RNF170: variants seen among roughly 807,000 people sequenced by gnomAD.
RNF170 encodes E3 ubiquitin-protein ligase RNF170.
In RNF170, 12 loss-of-function variants were observed where a neutral mutation model predicts 32.7. The observed-to-expected ratio is 0.37, with a 90% CI of 0.24 to 0.60. The LOEUF (loss-of-function observed/expected upper bound fraction) is 0.60. Among genes scored for constraint, RNF170 ranks in the 20% least tolerant of loss-of-function variants. RNF170 has a pLI of 0.72. For missense variants in RNF170, 212 were observed against 311.2 expected (o/e 0.68, Z 2.40); for synonymous variants, 91 against 103.6 (o/e 0.88, Z 0.74).
intron 5 of RNF170, among the ~76,000 whole-genome samples, chr8:42,862,865 T>TG: frequency 6.6e-6 from 1 of 152,250 alleles, no homozygotes; most frequent in East Asian, 1.9e-4. Flanking sequence ...TGCTCCAGGG[T>TG]GACTACAACA....
intron 4 of RNF170, among the ~76,000 whole-genome samples, chr8:42,867,467 G>A (rs1438599002): frequency 1.1e-3 from 75 of 70,104 alleles, no homozygotes; most frequent in Middle Eastern, 9.3e-3. Flanking sequence ...GCAAAACTCC[G>A]TCTCAAAAAA....
rs760189334 is a variant in RNF170, at chr8:42,873,920, A to G, written c.213+11T>C. 40 of 1,459,968 alleles carry G rather than the reference A, an allele frequency of 2.7e-5. No homozygotes were observed. The highest frequency in any genetic ancestry group is 3.7e-5 in the Non-Finnish European group (38 of 1,039,664). 90.4% of individuals were successfully genotyped at this position (1,459,968 alleles called of 1,614,324 possible). ...TCACATCTACTCCTCAAATAAATAC[A>G]TATACAATACCTGTTCTGTTTGAAG... On this transcript the variant is annotated intron_variant, in intron 3 of 6. Transcript: ENST00000527424.
At chr8:42,851,349 A>C (rs1045580139), downstream of RNF170, among the ~76,000 whole-genome samples, 2 of 152,038 alleles carry the variant, frequency 1.3e-5, no homozygotes, top group African/African-American at 4.8e-5. Flanking sequence ...ATTACCTGAG[A>C]TCAGGAGTTC....
At chr8:42,862,778 C>T (rs1450421571) in intron 5 of RNF170, among the ~76,000 whole-genome samples, 1 of 152,174 alleles carries the variant, frequency 6.6e-6, no homozygotes, top group Non-Finnish European at 1.5e-5. Context: ...TCTTTCAATA[C>T]ACATTAATGG....
chr8:42,850,967 C>T (rs1018443882), downstream of RNF170: 2 of 1,551,650 alleles, frequency 1.3e-6, no homozygotes, highest in Non-Finnish European at 1.7e-6. Context: ...TGGGTCTGCT[C>T]ACTTGCACGG....
upstream of RNF170, chr8:42,896,972 C>T: frequency 4.5e-6 from 2 of 440,342 alleles, no homozygotes; most frequent in Non-Finnish European, 7.5e-6. Context: ...CTGGGGGTGA[C>T]GGTGCGGAGC....
At position 42,887,842 on chromosome 8, in the gene RNF170, A is replaced by C; in HGVS notation, c.23T>G (p.Val8Gly). The change falls in exon 2 of 7, where the codon GTT becomes GGT. Residue 8 changes from valine (V) to glycine (G), a missense_variant. Val to Gly is a moderately radical substitution (Grantham distance 109). Coordinates refer to ENST00000527424, the MANE Select transcript of RNF170 (RefSeq NM_030954.4). Reference sequence around the variant, plus strand: ...ATCATCATCCAGTTTCAAACTTTGAACTTCACCTTGATATTTGGCCATTCC... The same window carrying C: ...ATCATCATCCAGTTTCAAACTTTGACCTTCACCTTGATATTTGGCCATTCC... MAKYQGE[V>G]QSLKLDDDSV... 6.2e-7 allele frequency: 1 copy of C among 1,614,044 alleles called. No homozygotes were observed. Among genetic ancestry groups the C allele is most frequent in the Non-Finnish European group, 8.5e-7 (1 of 1,179,884 alleles).
At chr8:42,860,922 T>C (rs936254935) in intron 6 of RNF170, among the ~76,000 whole-genome samples, 3 of 152,142 alleles carry the variant, frequency 2.0e-5, no homozygotes, top group Non-Finnish European at 2.9e-5. Context: ...TTCACCGTGT[T>C]GGCCAGGCTG....
chr8:42,856,816 T>G (rs1042385102), intron 6 of RNF170, among the ~76,000 whole-genome samples: 7 of 152,178 alleles, frequency 4.6e-5, no homozygotes, highest in African/African-American at 1.7e-4. Context: ...TCAAAATCAA[T>G]CACTTACTAG....
chr8:42,893,970 C>T (rs1806526087), intron 1 of RNF170, among the ~76,000 whole-genome samples: 1 of 151,984 alleles, frequency 6.6e-6, no homozygotes, highest in African/African-American at 2.4e-5. Context: ...CAGGCATTTC[C>T]AAAGCTTTCA....
intron 3 of RNF170, 141 bp from the exon 4 acceptor site, chr8:42,870,253 AT>A (rs2128934508): frequency 1.4e-6 from 1 of 707,706 alleles, no homozygotes. Context: ...TAAGGTTATA[AT>A]TTTAAGAATG....
In RNF170 at chr8:42,853,471, A is replaced by G. The variant is rs1563650551; in HGVS notation, c.*2688T>C. 7.8e-7 allele frequency: 1 copy of G among 1,287,176 alleles called. No homozygotes were observed. Among genetic ancestry groups the G allele is most frequent in the Admixed American group, 2.3e-5 (1 of 43,530 alleles). The allele number at this position is 1,287,176 out of a possible 1,614,324, so 79.7% of individuals were successfully genotyped here. On this transcript the variant is annotated 3_prime_UTR_variant, in exon 7 of 7. Transcript: ENST00000527424. ...CTTCCCTTGTACCTCTCAAACACTG[A>G]GAATTGTAGTAGTTGAAACCACTGT...
At chr8:42,851,097 C>G (rs747273767), downstream of RNF170, 286 of 1,495,616 alleles carry the variant, frequency 1.9e-4, no homozygotes, top group Non-Finnish European at 2.5e-4. Flanking sequence ...CTTCTTCAAC[C>G]TCACTTCATG....
At chr8:42,868,637 G>T (rs1008397338) in intron 4 of RNF170, among the ~76,000 whole-genome samples, 2 of 151,974 alleles carry the variant, frequency 1.3e-5, no homozygotes, top group Non-Finnish European at 2.9e-5. Flanking sequence ...GGTGGATCAC[G>T]ATGTCAGGAG....
rs761749171 is a variant in RNF170 at position 42,853,839 on chromosome 8, G to C, written c.*2320C>G. ...ATTTAGGAAGCTTTAAGATCATTTA[G>C]TATTTTTTTATGTTACAAAATTTGG... On this transcript the variant is annotated 3_prime_UTR_variant, in exon 7 of 7. Transcript: ENST00000527424. The C allele has an allele frequency of 7.6e-5, 98 of 1,286,784 alleles. No individual in the cohort carries two copies. Among genetic ancestry groups the C allele is most frequent in the Non-Finnish European group, 9.8e-5 (97 of 988,510 alleles). 79.7% of individuals were successfully genotyped at this position (1,286,784 alleles called of 1,614,324 possible).
intron 6 of RNF170, among the ~76,000 whole-genome samples, chr8:42,859,583 C>A (rs907118351): frequency 1.3e-5 from 2 of 152,154 alleles, no homozygotes; most frequent in African/African-American, 2.4e-5. Flanking sequence ...GCCGTGATCA[C>A]ACCACTGCAC....
chr8:42,870,612 C>G (rs1804453259), intron 3 of RNF170, among the ~76,000 whole-genome samples: 1 of 152,058 alleles, frequency 6.6e-6, no homozygotes, highest in Admixed American at 6.6e-5. Context: ...CGCCTGTAGT[C>G]CCAGCTACTT....
chr8:42,875,806 C>G (rs541345740), intron 2 of RNF170, among the ~76,000 whole-genome samples: 1 of 152,342 alleles, frequency 6.6e-6, no homozygotes, highest in East Asian at 1.9e-4. Context: ...CGATCCGGAC[C>G]TCAGGTGATC....
At chr8:42,885,429 T>G (rs572669206) in intron 2 of RNF170, among the ~76,000 whole-genome samples, 4 of 152,314 alleles carry the variant, frequency 2.6e-5, no homozygotes, top group African/African-American at 9.6e-5. Flanking sequence ...TACCCTGAAG[T>G]GTGATTGCTG....
Sources: allele counts gnomAD v4.1 joint callset (sites outside exome capture counted in the v4.1 genomes callset), GRCh38; gene constraint gnomAD v4.1.1; transcripts MANE v1.5; gene names NCBI Gene and HGNC (gene_info 2026-07-23, HGNC 2026-07-21).